The following PCDHGA6 variants were observed in gnomAD, a reference collection of about 807,000 sequenced individuals.
PCDHGA6 encodes the protein protocadherin gamma-A6.
A neutral mutation model predicts 60.6 loss-of-function variants in PCDHGA6; 41 were observed. The observed-to-expected ratio is 0.68, with a 90% CI of 0.53 to 0.88. The LOEUF is 0.88. Among genes scored for constraint, PCDHGA6 ranks in the 40% least tolerant of loss-of-function variants. PCDHGA6 has a pLI of 0.00. For missense variants in PCDHGA6, 1,312 were observed against 1,203.0 expected, an observed-to-expected ratio of 1.09 and a Z score of -1.34; for synonymous variants, 594 against 524.4, an observed-to-expected ratio of 1.13 and a Z score of -1.81.
chr5:141,403,598 G>A (rs2094431142), intron 1 of PCDHGA6: 1 of 1,613,702 alleles, frequency 6.2e-7, no homozygotes, highest in Non-Finnish European at 8.5e-7. Flanking sequence ...CACGGCCTCG[G>A]ATGGCGGCGA....
chr5:141,489,692 G>A lies in PCDHGA6; in HGVS notation c.2425-5115G>A. 1.9e-6 allele frequency: 3 copies of A among 1,614,128 alleles called. No individual in the cohort carries two copies. The highest frequency in any genetic ancestry group is 1.7e-6 in the Non-Finnish European group (2 of 1,179,980). On this transcript the variant is annotated intron_variant, in intron 1 of 3. Coordinates refer to ENST00000517434, the MANE Select transcript of PCDHGA6 (RefSeq NM_018919.3). The surrounding 1 kb of genome is among the most constrained non-coding windows in gnomAD (Gnocchi z 4.5). The stretch of plus-strand genomic sequence containing the variant: ...TCAGAATCAGCAGCATCTGGGGCAC[G>A]ATTCCCACTGGACAGTGCCCAGGAT...
rs774774450 is a variant in PCDHGA6, at chr5:141,398,863, G to A, written c.2424+22356G>A. The A allele has an allele frequency of 2.5e-6, 4 of 1,613,868 alleles. No homozygotes were observed. The highest frequency in any genetic ancestry group is 2.7e-5 in the African/African-American group (2 of 74,928). ...TAATCCCCCGGTATTCAACCGAGACGTGTACAGAGTCAGCCTTCGGGAAAA... is the reference window on the plus strand; with the variant it reads ...TAATCCCCCGGTATTCAACCGAGACATGTACAGAGTCAGCCTTCGGGAAAA... On this transcript the variant is annotated intron_variant, in intron 1 of 3. Transcript: ENST00000517434.
chr5:141,486,489 G>T lies in PCDHGA6; in HGVS notation c.2425-8318G>T. 2 of 1,614,060 alleles carry T rather than the reference G, an allele frequency of 1.2e-6. No homozygotes were observed. The highest frequency in any genetic ancestry group is 1.7e-6 in the Non-Finnish European group (2 of 1,179,892). ...GGGAACCCTCCTCTCAGTACCCACA[G>T]AACTATTTTCCTCAATATTTCAGAT... On this transcript the variant is annotated intron_variant, in intron 1 of 3. Coordinates refer to ENST00000517434, the MANE Select transcript of PCDHGA6 (RefSeq NM_018919.3). The surrounding 1 kb of genome is among the most constrained non-coding windows in gnomAD (Gnocchi z 5.0).
chr5:141,418,916 T>C (rs766021059), intron 1 of PCDHGA6: 26 of 1,613,830 alleles, frequency 1.6e-5, no homozygotes, highest in Non-Finnish European at 1.7e-6. Context: ...CACGTCACTC[T>C]CTGATCAGAT....
At chr5:141,384,448 C>A (rs1780101973) in intron 1 of PCDHGA6, 2 of 1,614,070 alleles carry the variant, frequency 1.2e-6, no homozygotes, top group Non-Finnish European at 1.7e-6. Flanking sequence ...CCTGTACGCG[C>A]TGCAATCCTT....
chr5:141,489,297 G>T lies in PCDHGA6; in HGVS notation c.2425-5510G>T. On this transcript the variant is annotated intron_variant, in intron 1 of 3. Transcript: ENST00000517434. This position sits in a 1 kb window ranked among gnomAD's most constrained non-coding sequence, Gnocchi z 4.5. Reference sequence around the variant, plus strand: ...GGAAATGGCAAGTGCTGTGCATGTTGTCCTTGTGCTGCTGGGGCTGGGTGT... The same window carrying T: ...GGAAATGGCAAGTGCTGTGCATGTTTTCCTTGTGCTGCTGGGGCTGGGTGT... 1.9e-6 allele frequency: 3 copies of T among 1,583,774 alleles called. No homozygotes were observed. Among genetic ancestry groups the T allele is most frequent in the Non-Finnish European group, 8.6e-7 (1 of 1,164,904 alleles).
intron 1 of PCDHGA6, chr5:141,414,324 T>G (rs2095735584): frequency 6.2e-7 from 1 of 1,613,758 alleles, no homozygotes; most frequent in South Asian, 1.1e-5. Context: ...CTGAGCAGAA[T>G]GGACAGGTAA....
rs374181150 is a variant in PCDHGA6, at chr5:141,477,134, G to C, written c.2425-17673G>C. The C allele has an allele frequency of 2.5e-5, 41 of 1,614,092 alleles. No homozygotes were observed. Among genetic ancestry groups the C allele is most frequent in the Non-Finnish European group, 3.4e-5 (40 of 1,180,056 alleles). ...CGAAGGAGCACATTGCAAAGTGTTG[G>C]TGGAGGTTGTGGATGTGAATGACAA... is the stretch of plus-strand genomic sequence containing the variant. On this transcript the variant is annotated intron_variant, in intron 1 of 3. Coordinates refer to ENST00000517434, the MANE Select transcript of PCDHGA6 (RefSeq NM_018919.3). The surrounding 1 kb of genome is among the most constrained non-coding windows in gnomAD (Gnocchi z 4.9).
At chr5:141,427,599 C>T (rs1233253295) in intron 1 of PCDHGA6, 3 of 682,980 alleles carry the variant, frequency 4.4e-6, no homozygotes, top group South Asian at 3.0e-5. Flanking sequence ...CCTCACCCTA[C>T]GCATTGGTGA....
Position 141,490,013 on chromosome 5 carries a change from G to A in PCDHGA6, c.2425-4794G>A. 6.2e-7 allele frequency: 1 copy of A among 1,614,206 alleles called. No individual in the cohort carries two copies. The highest frequency in any genetic ancestry group is 1.1e-5 in the South Asian group (1 of 91,088). Reference sequence around the variant, plus strand: ...GGAATCCCAGAGAATGCACCCATTGGTACTCTGCTGCTCCGCCTCAATGCC... The same window carrying A: ...GGAATCCCAGAGAATGCACCCATTGATACTCTGCTGCTCCGCCTCAATGCC... On this transcript the variant is annotated intron_variant, in intron 1 of 3. Transcript: ENST00000517434. This position sits in a 1 kb window ranked among gnomAD's most constrained non-coding sequence, Gnocchi z 5.4.
Position 141,375,806 on chromosome 5 carries a change from G to T in PCDHGA6, c.1723G>T (p.Val575Leu), listed in dbSNP as rs1223554303. 6.8e-6 allele frequency: 11 copies of T among 1,614,088 alleles called. No individual in the cohort carries two copies. Among genetic ancestry groups the T allele is most frequent in the African/African-American group, 1.3e-5 (1 of 74,956 alleles). The change falls in exon 1 of 4, where the codon GTG (valine) becomes TTG (leucine). Residue 575 changes from valine to leucine, a missense_variant. Physicochemically the swap from Val to Leu is conservative, Grantham distance 32. Transcript: ENST00000517434. ...CCTCCCCACAGACGGTTCCACTGGC[G>T]TGGAGCTGGCGCCCCGCTCCGCAGA... is the stretch of plus-strand genomic sequence containing the variant. ...PALPTDGSTG[V>L]ELAPRSAEPG...
chr5:141,391,198 C>T (rs2092314570), intron 1 of PCDHGA6: 1 of 152,156 alleles, frequency 6.6e-6, no homozygotes, highest in South Asian at 2.1e-4. Context: ...AAAATATATA[C>T]AAAATACCAA....
rs574950493 is a variant in PCDHGA6 at position 141,375,596 on chromosome 5, G to A, written c.1513G>A (p.Val505Met). 12 of 1,613,990 alleles carry A rather than the reference G, an allele frequency of 7.4e-6. No individual in the cohort carries two copies. The Admixed American group carries it at 1.2e-4, about 16-fold the overall frequency. Residue 505 changes from valine (V) to methionine (M), a missense_variant, in exon 1 of 4, where the codon GTG becomes ATG. Coordinates refer to ENST00000517434, the MANE Select transcript of PCDHGA6 (RefSeq NM_018919.3). ...CCAGGGGGCGCCCCTGTCCTCCTAC[G>A]TGTCCATCAACTCCGACACTGGGAT... ...TLQGAPLSSY[V>M]SINSDTGILY...
chr5:141,388,793 T>C, intron 1 of PCDHGA6: 1 of 1,613,918 alleles, frequency 6.2e-7, no homozygotes, highest in South Asian at 1.1e-5. Flanking sequence ...CTGTTTTAAA[T>C]ACATTAGATT....
chr5:141,421,538 T>A, intron 1 of PCDHGA6: 2 of 1,614,028 alleles, frequency 1.2e-6, no homozygotes, highest in Non-Finnish European at 1.7e-6. Context: ...TCCTCCTGTT[T>A]TTTAAATATG....
chr5:141,458,496 A>T (rs905073741), intron 1 of PCDHGA6, among the ~76,000 whole-genome samples: 1 of 151,694 alleles, frequency 6.6e-6, no homozygotes, highest in Non-Finnish European at 1.5e-5. Flanking sequence ...CTGCCTGTAC[A>T]TACTGTTTGA....
intron 1 of PCDHGA6, chr5:141,413,694 C>T: frequency 6.2e-7 from 1 of 1,613,800 alleles, no homozygotes; most frequent in Non-Finnish European, 8.5e-7. Context: ...CCCTGCAGAG[C>T]TATCAGCTCA....
At position 141,399,193 on chromosome 5, in the gene PCDHGA6, G is replaced by A. The variant is rs138699584; in HGVS notation, c.2424+22686G>A. ...TCTACTTGAAATGATTCTGGAAAAC[G>A]CGGTGCCTGGAACACTAATTGCTTT... is the stretch of plus-strand genomic sequence containing the variant. On this transcript the variant is annotated intron_variant, in intron 1 of 3. Transcript: ENST00000517434. The A allele has an allele frequency of 4.9e-3, 7,970 of 1,613,820 alleles. 45 individuals are homozygous for A. Among genetic ancestry groups the A allele is most frequent in the Admixed American group, 9.4e-3 (567 of 60,008 alleles).
At chr5:141,380,091 G>A (rs538586012) in intron 1 of PCDHGA6, among the ~76,000 whole-genome samples, 1 of 151,688 alleles carries the variant, frequency 6.6e-6, no homozygotes, top group African/African-American at 2.4e-5. Context: ...GTAGAGATGG[G>A]GTTTTACCAT....
Sources: allele counts gnomAD v4.1 joint callset (sites outside exome capture counted in the v4.1 genomes callset), GRCh38; gene constraint gnomAD v4.1.1; non-coding constraint Gnocchi (gnomAD v3.1); transcripts MANE v1.5; gene names NCBI Gene and HGNC (gene_info 2026-07-23, HGNC 2026-07-21).